The following LIPC variants were observed in gnomAD, a reference collection of about 807,000 sequenced individuals.
LIPC encodes lipase C, hepatic type.
Under a neutral mutation model 50.7 loss-of-function variants are expected in LIPC, and 44 were observed. The observed-to-expected ratio is 0.87, with a 90% CI of 0.68 to 1.11. LIPC has a LOEUF of 1.11. LIPC is among the 50% of genes most tolerant of loss of function. LIPC has a pLI of 0.00. For synonymous variants in LIPC, 271 were observed against 256.4 expected, an observed-to-expected ratio of 1.06 and a Z score of -0.54; for missense variants, 697 against 648.2, an observed-to-expected ratio of 1.08 and a Z score of -0.82.
chr15:58,546,273 C>T (rs974225570), intron 5 of LIPC, among the ~76,000 whole-genome samples: 2 of 152,220 alleles, frequency 1.3e-5, no homozygotes, highest in African/African-American at 4.8e-5. Flanking sequence ...AACCCTCTCC[C>T]GGGGTACCAG....
At chr15:58,533,788 T>G (rs950852999) in intron 1 of LIPC, among the ~76,000 whole-genome samples, 7 of 152,204 alleles carry the variant, frequency 4.6e-5, no homozygotes, top group African/African-American at 9.7e-5. Flanking sequence ...GTTATTTGTG[T>G]TTTTTTCTAA....
chr15:58,440,657 T>A (rs185547217), intron 1 of LIPC, among the ~76,000 whole-genome samples: 115 of 152,314 alleles, frequency 7.6e-4, no homozygotes, highest in Admixed American at 2.4e-3. Context: ...AGGCGCATAA[T>A]TTCAACACAA....
intron 1 of LIPC, among the ~76,000 whole-genome samples, chr15:58,507,851 G>A (rs561072531): frequency 2.8e-4 from 42 of 152,218 alleles, no homozygotes; most frequent in Admixed American, 5.9e-4. Flanking sequence ...ATAGGGGAAG[G>A]GGAGATGGGG....
chr15:58,542,153 C>G (rs1002543514), intron 3 of LIPC, among the ~76,000 whole-genome samples, 186 bp downstream of exon 3: 2 of 152,278 alleles, frequency 1.3e-5, no homozygotes, highest in Middle Eastern at 3.4e-3. Flanking sequence ...TCCCTTGAAC[C>G]CCTGTTTCAC....
chr15:58,544,721 T>C (rs1455786310), intron 4 of LIPC, among the ~76,000 whole-genome samples: 1 of 152,158 alleles, frequency 6.6e-6, no homozygotes, highest in Non-Finnish European at 1.5e-5. Context: ...TTTGTCACTG[T>C]GGGTAGGGCT....
chr15:58,500,074 G>A (rs1891926749), intron 1 of LIPC, among the ~76,000 whole-genome samples: 1 of 152,154 alleles, frequency 6.6e-6, no homozygotes, highest in Admixed American at 6.5e-5. Context: ...ACGGGGCAGA[G>A]TCTGATTCCA....
At chr15:58,463,772 T>G (rs1315981368) in intron 1 of LIPC, among the ~76,000 whole-genome samples, 10 of 152,192 alleles carry the variant, frequency 6.6e-5, no homozygotes, top group African/African-American at 2.4e-4. Context: ...TTAGGACCCC[T>G]CAACCTCTCT....
At chr15:58,449,695 G>A (rs534429236) in intron 1 of LIPC, among the ~76,000 whole-genome samples, 2 of 152,014 alleles carry the variant, frequency 1.3e-5, no homozygotes, top group South Asian at 2.1e-4. Context: ...TTGCGCCACC[G>A]CACCCTGCTA....
intron 7 of LIPC, among the ~76,000 whole-genome samples, chr15:58,563,270 T>C (rs1894230842): frequency 6.6e-6 from 1 of 152,202 alleles, no homozygotes; most frequent in Non-Finnish European, 1.5e-5. Context: ...CGGAGCCTTT[T>C]TGATGTGTTA....
intron 1 of LIPC, among the ~76,000 whole-genome samples, chr15:58,470,375 T>G (rs1424716834): frequency 2.6e-5 from 4 of 152,164 alleles, no homozygotes; most frequent in Admixed American, 6.5e-5. Context: ...TATATAGTAA[T>G]AAGTCTAAGA....
At chr15:58,552,861 A>AT (rs1893813488) in intron 6 of LIPC, among the ~76,000 whole-genome samples, 2 of 152,202 alleles carry the variant, frequency 1.3e-5, no homozygotes, top group Admixed American at 6.5e-5. Context: ...GACAAAACCT[A>AT]TGTGGGCACC....
chr15:58,485,135 C>T (rs1212159338), intron 1 of LIPC, among the ~76,000 whole-genome samples: 1 of 152,166 alleles, frequency 6.6e-6, no homozygotes, highest in Non-Finnish European at 1.5e-5. Context: ...AGTTATGCAT[C>T]ATCCACTGAT....
At chr15:58,444,232 G>T (rs951226309) in intron 1 of LIPC, among the ~76,000 whole-genome samples, 2 of 152,146 alleles carry the variant, frequency 1.3e-5, no homozygotes, top group African/African-American at 4.8e-5. Flanking sequence ...TGAGGTTAAT[G>T]ATTGGGAAGG....
intron 1 of LIPC, among the ~76,000 whole-genome samples, chr15:58,471,303 A>AT (rs547072418): frequency 4.3e-5 from 4 of 92,202 alleles, no homozygotes; most frequent in Non-Finnish European, 6.5e-5. Context: ...TGCCTAGCTA[A>AT]TTTTTTTTGT....
chr15:58,497,057 T>C (rs1331483780), intron 1 of LIPC, among the ~76,000 whole-genome samples: 1 of 152,190 alleles, frequency 6.6e-6, no homozygotes, highest in Non-Finnish European at 1.5e-5. Context: ...TTTACAAAAG[T>C]AACTGGTTCC....
chr15:58,480,343 G>A lies in LIPC; in HGVS notation c.88+48223G>A, dbSNP rs145101001. Among the ~76,000 whole-genome samples the A allele has an allele frequency of 2.6e-4, 39 of 152,298 alleles. No individual in the cohort carries two copies. The East Asian group carries it at 6.2e-3, about 24-fold the overall frequency. ...GGAGTCTCGCTTTGTCACCCAAGCT[G>A]GAGAGCAGCGGCGCAATCTCGGCTC... is the stretch of plus-strand genomic sequence containing the variant. On this transcript the variant is annotated intron_variant, in intron 1 of 8. Transcript: ENST00000299022.
intron 1 of LIPC, among the ~76,000 whole-genome samples, chr15:58,455,447 G>C (rs925607468): frequency 5.9e-5 from 9 of 152,194 alleles, no homozygotes; most frequent in Admixed American, 5.9e-4. Context: ...GAAAAAAAAT[G>C]TTAGTAATGA....
chr15:58,568,947 A>T lies in LIPC; in HGVS notation c.*120A>T. The T allele has an allele frequency of 1.6e-6, 1 of 617,846 alleles. No individual in the cohort carries two copies. Among genetic ancestry groups the T allele is most frequent in the Non-Finnish European group, 2.8e-6 (1 of 357,230 alleles). 38.3% of individuals were successfully genotyped at this position (617,846 alleles called of 1,614,324 possible). The stretch of plus-strand genomic sequence containing the variant: ...CACACAAAGCTTAAATAAAGTTTAG[A>T]TTTAAGGGGGGTATGTTTCACTCTC... On this transcript the variant is annotated 3_prime_UTR_variant, in exon 9 of 9. Coordinates refer to ENST00000299022, the MANE Select transcript of LIPC (RefSeq NM_000236.3).
intron 1 of LIPC, among the ~76,000 whole-genome samples, chr15:58,477,341 C>T (rs1378132849): frequency 6.6e-6 from 1 of 152,196 alleles, no homozygotes; most frequent in Non-Finnish European, 1.5e-5. Context: ...GAGCTGAGAC[C>T]ACCACAGTTC....
Sources: gnomAD v4.1 joint callset for allele counts (sites outside exome capture counted in the v4.1 genomes callset) on GRCh38, gnomAD v4.1.1 for gene constraint, MANE v1.5 for transcripts, NCBI Gene and HGNC (gene_info 2026-07-23, HGNC 2026-07-21) for gene names.